Variants in ITPR2 observed in about 807,000 individuals in gnomAD.
ITPR2 encodes the protein inositol 1,4,5-trisphosphate receptor type 2, also known as inositol 1,4,5-trisphosphate-gated calcium channel ITPR2.
ITPR2 carries 207 observed loss-of-function variants against 317.1 expected under a neutral mutation model. The observed-to-expected ratio is 0.65, with a 90% CI of 0.58 to 0.73. ITPR2 has a LOEUF of 0.73. ITPR2 is among the 30% of genes least tolerant of loss of function. The pLI is 0.00. For missense variants in ITPR2, 2,613 were observed against 3,284.0 expected (o/e 0.80, Z 4.99); for synonymous variants, 1,156 against 1,149.1 (o/e 1.01, Z -0.12).
chr12:26,495,905 C>A (rs1457594874), intron 37 of ITPR2, among the ~76,000 whole-genome samples: 3 of 152,094 alleles, frequency 2.0e-5, no homozygotes, highest in Non-Finnish European at 4.4e-5. Flanking sequence ...TATTTAAACT[C>A]CAAAATGCTT....
At chr12:26,739,348 T>C (rs1949190163) in intron 2 of ITPR2, among the ~76,000 whole-genome samples, 1 of 152,200 alleles carries the variant, frequency 6.6e-6, no homozygotes, top group African/African-American at 2.4e-5. Flanking sequence ...CAAAGCATTG[T>C]ATGCAAATGT....
intron 34 of ITPR2, among the ~76,000 whole-genome samples, chr12:26,565,143 A>G (rs2137036409): frequency 6.6e-6 from 1 of 152,344 alleles, no homozygotes; most frequent in South Asian, 2.1e-4. Flanking sequence ...GAAATTCTTC[A>G]ATGAACCCCC....
chr12:26,615,641 G>C (rs1390576079), intron 26 of ITPR2, among the ~76,000 whole-genome samples: 2 of 152,122 alleles, frequency 1.3e-5, no homozygotes, highest in Non-Finnish European at 2.9e-5. Flanking sequence ...GAAGACATGG[G>C]ATAAAATAAT....
At position 26,768,425 on chromosome 12, in the gene ITPR2, T is replaced by TAA. The variant is rs72266930; in HGVS notation, c.163+21730_163+21731dup. On this transcript the variant is annotated intron_variant, in intron 2 of 56. Coordinates refer to ENST00000381340, the MANE Select transcript of ITPR2 (RefSeq NM_002223.4). ...AACTTAAAGTATAATAAAAAAAAATTAAAAAAAAATAAAAAATAAAAAATA... is the reference window on the plus strand; with the variant it reads ...AACTTAAAGTATAATAAAAAAAAATTAAAAAAAAAAATAAAAAATAAAAAATA... Among the ~76,000 whole-genome samples the TAA allele has an allele frequency of 1.3e-4, 15 of 118,950 alleles. 1 individual carries two copies. The highest frequency in any genetic ancestry group is 8.9e-4 in the East Asian group (4 of 4,480). The allele number at this position is 118,950 out of a possible 152,430, so 78.0% of individuals were successfully genotyped here.
At chr12:26,616,607 A>T (rs1426032521) in intron 26 of ITPR2, among the ~76,000 whole-genome samples, 1 of 152,192 alleles carries the variant, frequency 6.6e-6, no homozygotes, top group African/African-American at 2.4e-5. Context: ...TAAATCGAAA[A>T]GTCTGTCAAC....
At chr12:26,675,887 G>A (rs1022446722) in intron 13 of ITPR2, among the ~76,000 whole-genome samples, 9 of 152,236 alleles carry the variant, frequency 5.9e-5, no homozygotes, top group African/African-American at 2.2e-4. Flanking sequence ...CAAGAGTGCA[G>A]TGGCTCACGC....
At chr12:26,564,015 A>G (rs1213327634) in intron 34 of ITPR2, among the ~76,000 whole-genome samples, 1 of 152,238 alleles carries the variant, frequency 6.6e-6, no homozygotes, top group Admixed American at 6.5e-5. Context: ...TTGTCCTCAG[A>G]GAATTTGAGT....
chr12:26,345,842 A>G (rs1565481782), intron 55 of ITPR2, among the ~76,000 whole-genome samples: 1 of 152,068 alleles, frequency 6.6e-6, no homozygotes, highest in Non-Finnish European at 1.5e-5. Flanking sequence ...CTTCCTCTCC[A>G]TGTCGACTTG....
intron 32 of ITPR2, among the ~76,000 whole-genome samples, chr12:26,589,849 T>TACAC (rs1378930878): frequency 0.011 from 431 of 39,862 alleles, 36 homozygotes; most frequent in East Asian, 0.027. Context: ...TATATATATA[T>TACAC]ATATACACAC....
intron 5 of ITPR2, among the ~76,000 whole-genome samples, chr12:26,716,548 C>T (rs1948743010): frequency 6.6e-6 from 1 of 152,066 alleles, no homozygotes; most frequent in African/African-American, 2.4e-5. Flanking sequence ...ATTATCCCTC[C>T]CCACGAGGTC....
At chr12:26,800,396 A>G (rs1162151493) in intron 1 of ITPR2, among the ~76,000 whole-genome samples, 2 of 152,248 alleles carry the variant, frequency 1.3e-5, no homozygotes, top group Admixed American at 6.5e-5. Flanking sequence ...AAAATATAAA[A>G]TAACTATTAT....
At chr12:26,487,405 T>C (rs1942698151) in intron 39 of ITPR2, among the ~76,000 whole-genome samples, 154 bp from the exon 40 acceptor site, 2 of 152,246 alleles carry the variant, frequency 1.3e-5, no homozygotes, top group South Asian at 4.1e-4. Flanking sequence ...CAGTTTCTTG[T>C]ACTATTTAAT....
chr12:26,423,332 T>C (rs927139387), intron 49 of ITPR2, among the ~76,000 whole-genome samples: 10 of 152,148 alleles, frequency 6.6e-5, no homozygotes, highest in African/African-American at 2.4e-4. Flanking sequence ...CAGAAAGCTA[T>C]CTACAAGTAA....
chr12:26,421,656 C>T (rs766446883), intron 49 of ITPR2, among the ~76,000 whole-genome samples: 1 of 152,172 alleles, frequency 6.6e-6, no homozygotes, highest in Non-Finnish European at 1.5e-5. Flanking sequence ...TTTGTCAGTG[C>T]CATTATAGCA....
intron 1 of ITPR2, among the ~76,000 whole-genome samples, chr12:26,824,479 A>G (rs1414195478): frequency 6.6e-6 from 1 of 152,230 alleles, no homozygotes; most frequent in Non-Finnish European, 1.5e-5. Flanking sequence ...AAAAAATTTC[A>G]TGGTAATTAT....
At chr12:26,468,406 G>T (rs1197833359) in intron 45 of ITPR2, among the ~76,000 whole-genome samples, 1 of 152,222 alleles carries the variant, frequency 6.6e-6, no homozygotes. Flanking sequence ...ATTATGGACT[G>T]CCAGAATGCT....
chr12:26,437,339 T>C (rs1469170606), intron 47 of ITPR2, among the ~76,000 whole-genome samples: 1 of 152,244 alleles, frequency 6.6e-6, no homozygotes, highest in Non-Finnish European at 1.5e-5. Context: ...ACCTAGTGCC[T>C]ATTGCCTACT....
chr12:26,349,791 GGAGCCTTCCAGGGAC>G lies in ITPR2; in HGVS notation c.7858-9478_7858-9464del, dbSNP rs1165662728. 3.3e-5 allele frequency among the ~76,000 whole-genome samples: 5 copies of G among 152,210 alleles called. No individual in the cohort carries two copies. In the East Asian group the frequency reaches 9.6e-4, roughly 29 times the overall value. The stretch of plus-strand genomic sequence containing the variant: ...CTGGTGGGAAGGGGATCCTGGCCTA[GGAGCCTTCCAGGGAC>G]GAGCCTATTTAATCTAGTCATTGCT... On this transcript the variant is annotated intron_variant, in intron 55 of 56. Coordinates refer to ENST00000381340, the MANE Select transcript of ITPR2 (RefSeq NM_002223.4).
intron 26 of ITPR2, among the ~76,000 whole-genome samples, chr12:26,602,952 T>C (rs1271748040): frequency 6.6e-6 from 1 of 152,112 alleles, no homozygotes; most frequent in Admixed American, 6.6e-5. Context: ...ATTATATGAG[T>C]TAAATTGTAA....
Sources: gnomAD v4.1 joint callset for allele counts (sites outside exome capture counted in the v4.1 genomes callset) on GRCh38, gnomAD v4.1.1 for gene constraint, MANE v1.5 for transcripts, NCBI Gene and HGNC (gene_info 2026-07-23, HGNC 2026-07-21) for gene names.